CDH19: variants seen among roughly 807,000 people sequenced by gnomAD.
CDH19 encodes the protein cadherin 19.
CDH19 carries 67 observed loss-of-function variants against 64.2 expected under a neutral mutation model. That is an observed-to-expected ratio of 1.04 (90% CI 0.86 to 1.28). CDH19 has a LOEUF of 1.28. Among genes scored for constraint, CDH19 ranks in the 50% most tolerant of loss-of-function variants. CDH19 has a pLI of 0.00. For missense variants in CDH19, 1,030 were observed against 929.0 expected, an observed-to-expected ratio of 1.11 and a Z score of -1.41; for synonymous variants, 346 against 319.3, an observed-to-expected ratio of 1.08 and a Z score of -0.89.
At chr18:66,509,764 T>G (rs1568170599) in intron 10 of CDH19, among the ~76,000 whole-genome samples, 1 of 151,836 alleles carries the variant, frequency 6.6e-6, no homozygotes, top group South Asian at 2.1e-4. Context: ...CCAGGGAATA[T>G]ACAAGACTTT....
In CDH19 at chr18:66,503,872, C is replaced by A. The variant is rs949374171; in HGVS notation, c.*940G>T. The stretch of plus-strand genomic sequence containing the variant: ...GAATCATGGCATCTTAGTCAGAAAT[C>A]TGCTTTCCATATAAGGTAAATGTTT... On this transcript the variant is annotated 3_prime_UTR_variant, in exon 12 of 12. Coordinates refer to ENST00000262150, the MANE Select transcript of CDH19 (RefSeq NM_021153.4). 1 of 151,880 alleles carries A rather than the reference C, an allele frequency of 6.6e-6. No individual in the cohort carries two copies. Among genetic ancestry groups the A allele is most frequent in the Non-Finnish European group, 1.5e-5 (1 of 67,870 alleles). 9.4% of individuals were successfully genotyped at this position (151,880 alleles called of 1,614,324 possible).
In CDH19 at chr18:66,502,570, G is replaced by T. The variant is rs1384934281; in HGVS notation, c.*2242C>A. On this transcript the variant is annotated 3_prime_UTR_variant, in exon 12 of 12. Transcript: ENST00000262150. Reference sequence around the variant, plus strand: ...ATCATACTTTTTAGTTTTCTACTAAGATTACCTAGCATTCTTTTTAAATAA... The same window carrying T: ...ATCATACTTTTTAGTTTTCTACTAATATTACCTAGCATTCTTTTTAAATAA... 6.6e-6 allele frequency: 1 copy of T among 151,748 alleles called. No individual in the cohort carries two copies. The highest frequency in any genetic ancestry group is 1.5e-5 in the Non-Finnish European group (1 of 67,864). 9.4% of individuals were successfully genotyped at this position (151,748 alleles called of 1,614,324 possible). A position where few individuals can be genotyped will look rare whatever the true frequency, so the allele number is the denominator to read the frequency against.
At chr18:66,593,208 T>C (rs1173998029) in intron 1 of CDH19, among the ~76,000 whole-genome samples, 4 of 151,914 alleles carry the variant, frequency 2.6e-5, no homozygotes, top group Admixed American at 1.3e-4. Context: ...ATTCTTGTTA[T>C]AAATTGTTTA....
At chr18:66,530,037 T>G (rs1300349395) in intron 8 of CDH19, 71 bp from the exon 9 acceptor site, 2 of 741,560 alleles carry the variant, frequency 2.7e-6, no homozygotes, top group African/African-American at 3.8e-5. Context: ...ATCATTAAAA[T>G]TACATTAGAG....
chr18:66,518,404 T>C (rs976503377), intron 9 of CDH19, among the ~76,000 whole-genome samples: 7 of 152,110 alleles, frequency 4.6e-5, no homozygotes, highest in African/African-American at 9.6e-5. Flanking sequence ...CAGCTAATTT[T>C]TGTAGTTTCA....
At chr18:66,545,413 CTTCT>C (rs372988325) in intron 5 of CDH19, among the ~76,000 whole-genome samples, 16,489 of 132,852 alleles carry the variant, frequency 0.12, 1,177 homozygotes, top group Admixed American at 0.16. Context: ...TCCTTCCTTC[CTTCT>C]TTCCTTCCTT....
chr18:66,540,208 T>C (rs1290259835), intron 7 of CDH19, among the ~76,000 whole-genome samples: 2 of 152,198 alleles, frequency 1.3e-5, no homozygotes, highest in African/African-American at 4.8e-5. Flanking sequence ...GCTTGTGATC[T>C]AATCTTTTTA....
At chr18:66,566,168 G>A (rs554084372) in intron 3 of CDH19, among the ~76,000 whole-genome samples, 7 of 151,582 alleles carry the variant, frequency 4.6e-5, no homozygotes, top group Non-Finnish European at 8.8e-5. Flanking sequence ...TACTGCCTTC[G>A]CATTATGCTT....
intron 7 of CDH19, among the ~76,000 whole-genome samples, chr18:66,543,307 G>A (rs535385415): frequency 6.6e-6 from 1 of 152,156 alleles, no homozygotes; most frequent in East Asian, 2.0e-4. Context: ...GATTACAGGC[G>A]TGAGCCACCG....
rs755494694 is a variant in CDH19 at position 66,554,540 on chromosome 18, T to A, written c.491-16A>T. 4 of 1,602,300 alleles carry A rather than the reference T, an allele frequency of 2.5e-6. No individual in the cohort carries two copies. The South Asian group carries it at 4.5e-5, about 18-fold the overall frequency. ...ACTAATGTTCCTAAAGAGAACATAATACAGGAAATTAAGATTGTGGTTTTA... is the reference window on the plus strand; with the variant it reads ...ACTAATGTTCCTAAAGAGAACATAAAACAGGAAATTAAGATTGTGGTTTTA... On this transcript the variant is annotated splice_polypyrimidine_tract_variant and intron_variant, in intron 3 of 11. Coordinates refer to ENST00000262150, the MANE Select transcript of CDH19 (RefSeq NM_021153.4).
intron 1 of CDH19, among the ~76,000 whole-genome samples, chr18:66,583,614 G>A (rs1367256680): frequency 2.0e-5 from 3 of 151,968 alleles, no homozygotes; most frequent in African/African-American, 7.2e-5. Flanking sequence ...GTTCCTGAGT[G>A]AGTTTGCTAA....
chr18:66,592,079 T>C (rs933868161), intron 1 of CDH19, among the ~76,000 whole-genome samples: 2 of 151,896 alleles, frequency 1.3e-5, no homozygotes, highest in Non-Finnish European at 2.9e-5. Flanking sequence ...TCTTCTCTAA[T>C]GTTTCCTTCA....
intron 1 of CDH19, among the ~76,000 whole-genome samples, chr18:66,585,758 T>A (rs1988558863): frequency 6.6e-6 from 1 of 152,118 alleles, no homozygotes; most frequent in Non-Finnish European, 1.5e-5. Context: ...AGTATATATT[T>A]TCCCTGATGT....
At chr18:66,541,627 C>G (rs188101353) in intron 7 of CDH19, among the ~76,000 whole-genome samples, 123 of 152,078 alleles carry the variant, frequency 8.1e-4, no homozygotes, top group Middle Eastern at 3.4e-3. Flanking sequence ...ACAATATCAA[C>G]AACAAAAACT....
chr18:66,522,281 T>C (rs927825097), intron 9 of CDH19, among the ~76,000 whole-genome samples: 1 of 150,774 alleles, frequency 6.6e-6, no homozygotes, highest in Non-Finnish European at 1.5e-5. Context: ...TCACTCTTGT[T>C]ACCCAGGCTG....
intron 5 of CDH19, 59 bp downstream of exon 5, chr18:66,551,035 T>A: frequency 1.1e-6 from 1 of 914,770 alleles, no homozygotes; most frequent in East Asian, 2.6e-5. Flanking sequence ...TATAATCTAC[T>A]TATATTTAAC....
At chr18:66,589,570 A>G (rs562653126) in intron 1 of CDH19, among the ~76,000 whole-genome samples, 51 of 152,060 alleles carry the variant, frequency 3.4e-4, no homozygotes, top group African/African-American at 1.2e-3. Context: ...TTGTCCTTTC[A>G]GCACATCTCT....
At position 66,597,270 on chromosome 18, in the gene CDH19, G is replaced by C. The variant is rs574104775; in HGVS notation, c.-113+6684C>G. 4.0e-4 allele frequency among the ~76,000 whole-genome samples: 59 copies of C among 148,602 alleles called. 1 individual carries two copies. The South Asian group carries it at 0.012, about 30-fold the overall frequency. On this transcript the variant is annotated intron_variant, in intron 1 of 11. Transcript: ENST00000262150. ...GTACTGGTACAAAAACAGACTCATA[G>C]ACCAACAGAACTGGTTAGAGAACCT...
At chr18:66,565,521 T>C (rs981777502) in intron 3 of CDH19, among the ~76,000 whole-genome samples, 11 of 151,928 alleles carry the variant, frequency 7.2e-5, no homozygotes, top group Admixed American at 7.2e-4. Context: ...GCTAGGAAAT[T>C]TGGAAGTAAG....
Sources: gnomAD v4.1 joint callset for allele counts (sites outside exome capture counted in the v4.1 genomes callset) on GRCh38, gnomAD v4.1.1 for gene constraint, MANE v1.5 for transcripts, NCBI Gene and HGNC (gene_info 2026-07-23, HGNC 2026-07-21) for gene names.